Variants in ARHGEF10L observed in about 807,000 individuals in gnomAD.
ARHGEF10L encodes the protein Rho guanine nucleotide exchange factor 10 like.
ARHGEF10L carries 69 observed loss-of-function variants against 141.2 expected under a neutral mutation model. The ratio of observed to expected loss-of-function variants is 0.49; its 90% CI spans 0.40 to 0.60. The LOEUF (loss-of-function observed/expected upper bound fraction) is 0.60, where lower values mean the gene tolerates loss of function less well. Ranked by LOEUF, ARHGEF10L falls within the 20% of genes least tolerant of loss-of-function variation. ARHGEF10L has a pLI of 0.00. For synonymous variants in ARHGEF10L, 711 were observed against 718.5 expected, an observed-to-expected ratio of 0.99 and a Z score of 0.17; for missense variants, 1,482 against 1,734.3, an observed-to-expected ratio of 0.85 and a Z score of 2.58.
intron 1 of ARHGEF10L, among the ~76,000 whole-genome samples, chr1:17,556,043 C>T (rs1342277569): frequency 2.0e-5 from 3 of 148,484 alleles, no homozygotes; most frequent in African/African-American, 7.5e-5. Context: ...TTAGGGCAGC[C>T]TGGGAGCACG....
chr1:17,523,049 T>G, the ARHGEF10L span, among the ~76,000 whole-genome samples: 1 of 151,820 alleles, frequency 6.6e-6, no homozygotes, highest in Non-Finnish European at 1.5e-5. Flanking sequence ...TGAACTGTGA[T>G]TGCCATTGTT....
chr1:17,683,457 G>A (rs1345316482), intron 26 of ARHGEF10L, among the ~76,000 whole-genome samples: 4 of 152,154 alleles, frequency 2.6e-5, no homozygotes, highest in African/African-American at 4.8e-5. Flanking sequence ...TCACTTGGGT[G>A]CCAGGCTCAG....
intron 22 of ARHGEF10L, 41 bp downstream of exon 22, chr1:17,648,716 C>G (rs765365325): frequency 1.3e-6 from 2 of 1,598,136 alleles, no homozygotes; most frequent in African/African-American, 2.7e-5. Context: ...TCGAAGGTGG[C>G]TGCGGCTCCC....
chr1:17,597,526 TCCC>T (rs1270617157), intron 4 of ARHGEF10L, among the ~76,000 whole-genome samples: 2 of 152,220 alleles, frequency 1.3e-5, no homozygotes, highest in African/African-American at 4.8e-5. Context: ...GTGTCCCTGC[TCCC>T]CCAACTTTAT....
chr1:17,611,774 G>C (rs1213235816), intron 7 of ARHGEF10L, among the ~76,000 whole-genome samples: 1 of 152,160 alleles, frequency 6.6e-6, no homozygotes, highest in Non-Finnish European at 1.5e-5. Context: ...GACTTCTCTA[G>C]CTAGTAAGCA....
At chr1:17,533,464 C>T in the ARHGEF10L span, among the ~76,000 whole-genome samples, 463 of 152,264 alleles carry the variant, frequency 3.0e-3, 6 homozygotes, top group African/African-American at 0.01. Context: ...GCCACTGTGC[C>T]GGCTTGCTGT....
Position 17,616,210 on chromosome 1 carries a change from G to T in ARHGEF10L, c.835+8G>T, listed in dbSNP as rs201664269. The T allele has an allele frequency of 6.2e-7, 1 of 1,610,426 alleles. No individual in the cohort carries two copies. The highest frequency in any genetic ancestry group is 1.7e-5 in the Admixed American group (1 of 59,976). Reference sequence around the variant, plus strand: ...ACAGGAAGGACGTCCTCGGTGAGGCGCTGCCCGAGCGGGAGGGTCTGGTGC... The same window carrying T: ...ACAGGAAGGACGTCCTCGGTGAGGCTCTGCCCGAGCGGGAGGGTCTGGTGC... On this transcript the variant is annotated splice_region_variant and intron_variant, in intron 9 of 28. Coordinates refer to ENST00000361221, the MANE Select transcript of ARHGEF10L (RefSeq NM_018125.4).
At chr1:17,517,438 C>T in the ARHGEF10L span, among the ~76,000 whole-genome samples, 1 of 151,866 alleles carries the variant, frequency 6.6e-6, no homozygotes, top group African/African-American at 2.4e-5. Flanking sequence ...ATTCTCTTGC[C>T]TCAGCCTCCT....
At chr1:17,532,596 C>T in the ARHGEF10L span, among the ~76,000 whole-genome samples, 1 of 137,572 alleles carries the variant, frequency 7.3e-6, no homozygotes, top group Admixed American at 7.5e-5. Flanking sequence ...CACCCTTGAT[C>T]TTTTTTTTTT....
At chr1:17,691,061 G>C (rs925528845) in intron 27 of ARHGEF10L, 7 of 440,208 alleles carry the variant, frequency 1.6e-5, no homozygotes, top group South Asian at 6.6e-5. Flanking sequence ...TCTTCCACTC[G>C]CATACTCGAC....
At chr1:17,693,782 A>G (rs2065279563) in intron 27 of ARHGEF10L, among the ~76,000 whole-genome samples, 1 of 152,166 alleles carries the variant, frequency 6.6e-6, no homozygotes, top group South Asian at 2.1e-4. Flanking sequence ...TGATCCATGG[A>G]CCAGAAGCAG....
chr1:17,588,529 C>T (rs372972068), intron 4 of ARHGEF10L, 50 bp downstream of exon 4: 69 of 1,610,900 alleles, frequency 4.3e-5, no homozygotes, highest in South Asian at 3.6e-4. Flanking sequence ...AGGGAGACAC[C>T]GGGCAGTGGG....
At chr1:17,590,724 C>T (rs895921196) in intron 4 of ARHGEF10L, among the ~76,000 whole-genome samples, 3 of 152,242 alleles carry the variant, frequency 2.0e-5, no homozygotes, top group African/African-American at 4.8e-5. Flanking sequence ...AAGTGGCTCA[C>T]GCCTGTAATC....
At chr1:17,574,325 C>T (rs1301988188) in intron 1 of ARHGEF10L, among the ~76,000 whole-genome samples, 4 of 152,152 alleles carry the variant, frequency 2.6e-5, no homozygotes, top group Non-Finnish European at 5.9e-5. Context: ...AGACAGTGCT[C>T]GGAGGTGTCA....
chr1:17,637,829 A>G (rs369516528), intron 18 of ARHGEF10L, 59 bp from the exon 19 acceptor site: 4 of 1,468,182 alleles, frequency 2.7e-6, no homozygotes, highest in Admixed American at 4.2e-5. Context: ...TTGTGAGCAG[A>G]TGCTTGGCTT....
intron 1 of ARHGEF10L, among the ~76,000 whole-genome samples, chr1:17,552,215 G>A (rs1001263864): frequency 2.6e-5 from 4 of 152,102 alleles, no homozygotes; most frequent in African/African-American, 9.7e-5. Flanking sequence ...GGGAGATGGG[G>A]AGCACTTCCC....
chr1:17,613,199 C>A (rs935904058), intron 8 of ARHGEF10L, 25 bp downstream of exon 8: 2 of 1,570,260 alleles, frequency 1.3e-6, no homozygotes, highest in African/African-American at 1.4e-5. Context: ...TCCCCTCAAG[C>A]CCTGGATGGG....
chr1:17,577,169 C>T (rs1029355737), intron 1 of ARHGEF10L, among the ~76,000 whole-genome samples: 3 of 152,184 alleles, frequency 2.0e-5, no homozygotes, highest in Admixed American at 1.3e-4. Flanking sequence ...TTCAGCTTCT[C>T]GAGTAGCTGG....
In ARHGEF10L at chr1:17,688,815, G is replaced by T. The variant is rs560426363; in HGVS notation, c.3184+1068G>T. Reference sequence around the variant, plus strand: ...GGACCTCTGCCTACCCCAGGGGCCCGGTCCCTAACTCCCTCCCGAGGCCCT... The same window carrying T: ...GGACCTCTGCCTACCCCAGGGGCCCTGTCCCTAACTCCCTCCCGAGGCCCT... On this transcript the variant is annotated intron_variant, in intron 27 of 28. Transcript: ENST00000361221. Among the ~76,000 whole-genome samples the T allele has an allele frequency of 9.2e-5, 14 of 152,194 alleles. No individual in the cohort carries two copies. The East Asian group carries it at 2.7e-3, about 29-fold the overall frequency.
Sources: gnomAD v4.1 joint callset for allele counts (sites outside exome capture counted in the v4.1 genomes callset) on GRCh38, gnomAD v4.1.1 for gene constraint, MANE v1.5 for transcripts, NCBI Gene and HGNC (gene_info 2026-07-23, HGNC 2026-07-21) for gene names.